IL17B: variants seen among roughly 807,000 people sequenced by gnomAD.
IL17B encodes the protein interleukin-17B.
A neutral mutation model predicts 14.7 loss-of-function variants in IL17B; 14 were observed. That is an observed-to-expected ratio of 0.95 (90% CI 0.63 to 1.49). IL17B has a LOEUF of 1.49. Among genes scored for constraint, IL17B ranks in the 40% most tolerant of loss-of-function variants. IL17B has a pLI of 0.00. For missense variants in IL17B, 233 were observed against 252.8 expected, an observed-to-expected ratio of 0.92 and a Z score of 0.53; for synonymous variants, 105 against 94.8, an observed-to-expected ratio of 1.11 and a Z score of -0.62.
chr5:149,376,828 C>T lies in IL17B; in HGVS notation c.219G>A (p.Leu73=). The part of the protein sequence containing the change: ...ERNIEEMVAQ[L]RNSSELAQRK... The stretch of plus-strand genomic sequence containing the variant: ...TCTGGGCCAGCTCTGAGCTGTTCCT[C>T]AGCTGGGCCACCATCTCCTCGATGT... The change falls in exon 2 of 3, where the codon CTG becomes CTA. Residue 73 remains leucine (L), a synonymous_variant. Transcript: ENST00000261796. 1 of 1,614,054 alleles carries T rather than the reference C, an allele frequency of 6.2e-7. No homozygotes were observed. Among genetic ancestry groups the T allele is most frequent in the Non-Finnish European group, 8.5e-7 (1 of 1,179,902 alleles).
intron 1 of IL17B, among the ~76,000 whole-genome samples, chr5:149,390,285 A>G (rs984837152): frequency 6.0e-5 from 9 of 149,434 alleles, no homozygotes; most frequent in South Asian, 2.1e-4. Flanking sequence ...GTCCGTCACT[A>G]TAGTTAAGCT....
intron 1 of IL17B, among the ~76,000 whole-genome samples, chr5:149,390,116 G>A (rs1758907071): frequency 6.6e-6 from 1 of 151,982 alleles, no homozygotes; most frequent in East Asian, 1.9e-4. Context: ...TACATGGGTG[G>A]TGAATATGAA....
At chr5:149,388,653 C>T (rs1261666151) in intron 1 of IL17B, among the ~76,000 whole-genome samples, 1 of 152,166 alleles carries the variant, frequency 6.6e-6, no homozygotes, top group Non-Finnish European at 1.5e-5. Flanking sequence ...ACAAGCAACC[C>T]CCAAATCTAA....
chr5:149,375,449 A>T (rs1758500336), intron 2 of IL17B, among the ~76,000 whole-genome samples: 1 of 152,204 alleles, frequency 6.6e-6, no homozygotes, highest in Non-Finnish European at 1.5e-5. Context: ...CCTAAATCTG[A>T]AGCTGCATTT....
intron 1 of IL17B, among the ~76,000 whole-genome samples, chr5:149,399,830 G>A (rs908192635): frequency 6.6e-6 from 1 of 152,176 alleles, no homozygotes. Flanking sequence ...ACCAGGGTTG[G>A]GTGGCAGACA....
At chr5:149,384,306 T>G (rs1240789069) in intron 1 of IL17B, among the ~76,000 whole-genome samples, 1 of 152,206 alleles carries the variant, frequency 6.6e-6, no homozygotes, top group Non-Finnish European at 1.5e-5. Context: ...GGCCTCCGTT[T>G]CCTCACGGGG....
intron 1 of IL17B, among the ~76,000 whole-genome samples, chr5:149,398,828 C>G (rs995780392): frequency 6.6e-6 from 1 of 152,166 alleles, no homozygotes. Context: ...ATCTCTTGAA[C>G]CAGGGAGGCA....
intron 1 of IL17B, among the ~76,000 whole-genome samples, chr5:149,402,061 C>G (rs1166616660): frequency 6.6e-6 from 1 of 152,196 alleles, no homozygotes; most frequent in Non-Finnish European, 1.5e-5. Flanking sequence ...CAGCATGCAG[C>G]CCAGCTGCTC....
At chr5:149,381,884 T>C (rs1426255566), upstream of IL17B, among the ~76,000 whole-genome samples, 1 of 152,102 alleles carries the variant, frequency 6.6e-6, no homozygotes, top group Non-Finnish European at 1.5e-5. Flanking sequence ...CTTCCAGGGC[T>C]CCCACCCCAC....
At chr5:149,376,631 C>T (rs1327032291) in intron 2 of IL17B, 105 bp downstream of exon 2, 14 of 1,452,564 alleles carry the variant, frequency 9.6e-6, no homozygotes, top group Non-Finnish European at 1.2e-5. Context: ...GGTTCGAACC[C>T]AAGCACCCAG....
chr5:149,382,145 C>T (rs767219534), upstream of IL17B, among the ~76,000 whole-genome samples: 1 of 152,168 alleles, frequency 6.6e-6, no homozygotes, highest in Non-Finnish European at 1.5e-5. Flanking sequence ...TCTCCAAGAG[C>T]GGCCCGGGAC....
rs1040609017 is a variant in IL17B at position 149,378,101 on chromosome 5, A to G, written c.22-1076T>C. 4.6e-5 allele frequency among the ~76,000 whole-genome samples: 7 copies of G among 152,170 alleles called. No homozygotes were observed. In the East Asian group the frequency reaches 5.8e-4, roughly 13 times the overall value. On this transcript the variant is annotated intron_variant, in intron 1 of 2. Transcript: ENST00000261796. The stretch of plus-strand genomic sequence containing the variant: ...GGAGCTTGCAGTGAGCCGAGATCAC[A>G]CCACTGCACTCCAGCCTGGGCGACA...
At chr5:149,387,442 A>C (rs1441358354) in intron 1 of IL17B, among the ~76,000 whole-genome samples, 2 of 152,150 alleles carry the variant, frequency 1.3e-5, no homozygotes, top group African/African-American at 4.8e-5. Flanking sequence ...CGTGATGGTA[A>C]AAGGGTTACC....
At chr5:149,399,228 G>A (rs370496373) in intron 1 of IL17B, among the ~76,000 whole-genome samples, 1 of 152,204 alleles carries the variant, frequency 6.6e-6, no homozygotes, top group African/African-American at 2.4e-5. Context: ...CCCTGCCCGG[G>A]TGCTGTCAGG....
In IL17B at chr5:149,379,220, G is replaced by A; in HGVS notation, c.6C>T (p.Asp2=). ...CGCCACGTACCAGGTTGTGAGGCCAGTCCATTCCGCCAAGCTGCAAGGTCA... is the reference window on the plus strand; with the variant it reads ...CGCCACGTACCAGGTTGTGAGGCCAATCCATTCCGCCAAGCTGCAAGGTCA... M[D]WPHNLLFLLT... is the part of the protein sequence containing the mutation. The change falls in exon 1 of 3, where the codon GAC becomes GAT. Residue 2 remains aspartate (D), a synonymous_variant. Transcript: ENST00000261796. 1 of 1,614,006 alleles carries A rather than the reference G, an allele frequency of 6.2e-7. No individual in the cohort carries two copies. The highest frequency in any genetic ancestry group is 8.5e-7 in the Non-Finnish European group (1 of 1,179,976).
At chr5:149,397,784 GCAGAAAGCCC>G (rs1404201482) in intron 1 of IL17B, among the ~76,000 whole-genome samples, 1 of 152,154 alleles carries the variant, frequency 6.6e-6, no homozygotes, top group African/African-American at 2.4e-5. Flanking sequence ...CATGACTCAG[GCAGAAAGCCC>G]CAGGACCCAG....
At chr5:149,396,253 T>A (rs1759089920) in intron 1 of IL17B, among the ~76,000 whole-genome samples, 1 of 152,224 alleles carries the variant, frequency 6.6e-6, no homozygotes, top group Non-Finnish European at 1.5e-5. Flanking sequence ...GTGCTTCACT[T>A]TTTCCAGTCA....
upstream of IL17B, among the ~76,000 whole-genome samples, chr5:149,380,059 C>T (rs1758650835): frequency 6.6e-6 from 1 of 152,202 alleles, no homozygotes; most frequent in African/African-American, 2.4e-5. Context: ...AGCACTCTCC[C>T]TCCTGGGGTG....
intron 1 of IL17B, among the ~76,000 whole-genome samples, chr5:149,392,413 G>A (rs752469662): frequency 3.3e-5 from 5 of 152,206 alleles, no homozygotes; most frequent in Non-Finnish European, 5.9e-5. Flanking sequence ...GAGGCAGCCC[G>A]CTGTAGAATG....
Sources: gnomAD v4.1 joint callset for allele counts (sites outside exome capture counted in the v4.1 genomes callset) on GRCh38, gnomAD v4.1.1 for gene constraint, MANE v1.5 for transcripts, NCBI Gene and HGNC (gene_info 2026-07-23, HGNC 2026-07-21) for gene names.